The following CASK variants were observed in gnomAD, a reference collection of about 807,000 sequenced individuals.
CASK encodes peripheral plasma membrane protein CASK.
A neutral mutation model predicts 82.9 loss-of-function variants in CASK; 4 were observed. The ratio of observed to expected loss-of-function variants is 0.05; its 90% confidence interval spans 0.02 to 0.11. The LOEUF (loss-of-function observed/expected upper bound fraction) is 0.11. Among genes scored for constraint, CASK ranks in the 10% least tolerant of loss-of-function variants. The pLI is 1.00. For synonymous variants in CASK, 259 were observed against 253.5 expected (o/e 1.02, Z -0.20); for missense variants, 358 against 720.9 (o/e 0.50, Z 5.76).
At chrX:41,808,648 C>T (rs978919237) in intron 2 of CASK, among the ~76,000 whole-genome samples, 27 of 112,108 alleles carry the variant, frequency 2.4e-4, no homozygotes, top group Non-Finnish European at 4.7e-4. Flanking sequence ...GCGTGAGCGA[C>T]GCAGAAGACG....
At chrX:41,647,277 G>T (rs966169119) in intron 8 of CASK, among the ~76,000 whole-genome samples, 1 of 112,444 alleles carries the variant, frequency 8.9e-6, no homozygotes, top group Admixed American at 9.4e-5. Context: ...CCTATAATGA[G>T]ACTGATAATT....
intron 12 of CASK, among the ~76,000 whole-genome samples, chrX:41,608,900 G>A (rs1292281777): frequency 1.8e-5 from 2 of 111,898 alleles, no homozygotes; most frequent in Non-Finnish European, 3.8e-5. Flanking sequence ...AATGTGCAAA[G>A]CAATAAAAAG....
At chrX:41,727,713 A>C in intron 5 of CASK, 1 of 1,203,003 alleles carries the variant, frequency 8.3e-7, no homozygotes. Context: ...GCCATCTGAG[A>C]AAAATAAGAA....
intron 2 of CASK, 126 bp from the exon 3 acceptor site, chrX:41,787,409 C>A: frequency 2.0e-6 from 1 of 509,943 alleles, no homozygotes; most frequent in Non-Finnish European, 3.5e-6. Context: ...TGAAATCCCC[C>A]ATTTAAACTT....
chrX:41,559,371 T>C (rs762293492), intron 18 of CASK: 60 of 150,050 alleles, frequency 4.0e-4, no homozygotes, highest in African/African-American at 1.8e-3. Flanking sequence ...TCAACAGAAA[T>C]AGATCACTTC....
At chrX:41,693,058 T>A (rs2067605477) in intron 5 of CASK, among the ~76,000 whole-genome samples, 1 of 111,511 alleles carries the variant, frequency 9.0e-6, no homozygotes, top group South Asian at 3.7e-4. Flanking sequence ...GGAACTTAAA[T>A]TCTAACATGA....
chrX:41,720,446 G>A (rs1047850389), intron 5 of CASK, among the ~76,000 whole-genome samples: 4 of 112,587 alleles, frequency 3.6e-5, no homozygotes, highest in African/African-American at 1.3e-4. Flanking sequence ...ATGTTGAACT[G>A]GACAAGGCTT....
chrX:41,922,082 A>G lies in CASK; in HGVS notation c.59+848T>C, dbSNP rs938925342. On this transcript the variant is annotated intron_variant, in intron 1 of 26. Transcript: ENST00000378163. ...CTTGGAGTACTGTTTGACAAGAATGAAAAGGAAACTATTCAAAATAGATTT... is the reference window on the plus strand; with the variant it reads ...CTTGGAGTACTGTTTGACAAGAATGGAAAGGAAACTATTCAAAATAGATTT... Among the ~76,000 whole-genome samples, 5 of 111,653 alleles carry G rather than the reference A, an allele frequency of 4.5e-5. No individual in the cohort carries two copies. The Admixed American group carries it at 4.7e-4, about 11-fold the overall frequency.
chrX:41,888,959 G>A (rs765031444), intron 1 of CASK, among the ~76,000 whole-genome samples: 36 of 109,598 alleles, frequency 3.3e-4, no homozygotes, highest in Non-Finnish European at 5.9e-4. Flanking sequence ...AAACGTGTGT[G>A]CAAGTATCTT....
intron 1 of CASK, among the ~76,000 whole-genome samples, chrX:41,870,480 C>T (rs747335548): frequency 1.5e-4 from 17 of 112,138 alleles, no homozygotes; most frequent in Non-Finnish European, 3.2e-4. Flanking sequence ...AGAAGGAAAA[C>T]TACCCCGGAT....
At chrX:41,862,629 T>G (rs1601916512) in intron 1 of CASK, among the ~76,000 whole-genome samples, 1 of 100,411 alleles carries the variant, frequency 1.0e-5, no homozygotes. Context: ...GGGTGAGAAG[T>G]GGCTGGAAAA....
At chrX:41,844,070 C>T (rs1236420861) in intron 2 of CASK, among the ~76,000 whole-genome samples, 1 of 111,316 alleles carries the variant, frequency 9.0e-6, no homozygotes, top group African/African-American at 3.3e-5. Flanking sequence ...GTCATATAAC[C>T]TTAGATTTAA....
chrX:41,554,099 T>A (rs1041032012), intron 20 of CASK, among the ~76,000 whole-genome samples, 184 bp from the exon 21 acceptor site: 6 of 112,459 alleles, frequency 5.3e-5, no homozygotes, highest in Non-Finnish European at 1.1e-4. Flanking sequence ...CTAGTAATCT[T>A]TGATGAGTAT....
At chrX:41,732,160 T>A (rs1189369443) in intron 5 of CASK, among the ~76,000 whole-genome samples, 1 of 110,740 alleles carries the variant, frequency 9.0e-6, no homozygotes, top group East Asian at 2.8e-4. Flanking sequence ...TGAGTTACAG[T>A]CAAACACAAA....
At chrX:41,712,286 G>A (rs1468717817) in intron 5 of CASK, among the ~76,000 whole-genome samples, 2 of 112,361 alleles carry the variant, frequency 1.8e-5, no homozygotes, top group African/African-American at 6.5e-5. Flanking sequence ...GGTTGCATGA[G>A]GGTATGCAGA....
intron 9 of CASK, among the ~76,000 whole-genome samples, chrX:41,635,941 A>C (rs1375759459): frequency 3.2e-5 from 3 of 92,735 alleles, no homozygotes; most frequent in Non-Finnish European, 6.3e-5. Flanking sequence ...TTGTTGCCTA[A>C]GCTGGAGTGC....
chrX:41,881,927 A>G (rs1347676736), intron 1 of CASK, among the ~76,000 whole-genome samples: 1 of 111,145 alleles, frequency 9.0e-6, no homozygotes, highest in African/African-American at 3.3e-5. Context: ...TAGCCTGGTA[A>G]CCCTGGGCAA....
chrX:41,826,769 G>A (rs376001042), intron 2 of CASK, among the ~76,000 whole-genome samples: 2 of 111,910 alleles, frequency 1.8e-5, no homozygotes, highest in African/African-American at 3.2e-5. Flanking sequence ...GAGCCACCAC[G>A]CCCAGCCAAG....
intron 2 of CASK, among the ~76,000 whole-genome samples, chrX:41,847,605 C>T (rs1179289555): frequency 1.8e-5 from 2 of 111,874 alleles, no homozygotes; most frequent in African/African-American, 6.5e-5. Flanking sequence ...TCTTTGCATG[C>T]CTCATAATTT....
Sources: gnomAD v4.1 joint callset for allele counts (sites outside exome capture counted in the v4.1 genomes callset) on GRCh38, gnomAD v4.1.1 for gene constraint, MANE v1.5 for transcripts, NCBI Gene and HGNC (gene_info 2026-07-23, HGNC 2026-07-21) for gene names.